Variants in FGGY observed in about 807,000 individuals in gnomAD.
The protein encoded by FGGY is FGGY carbohydrate kinase domain containing.
Under a neutral mutation model 71.3 loss-of-function variants are expected in FGGY, and 72 were observed. That is an observed-to-expected ratio of 1.01 (90% confidence interval 0.84 to 1.23). The LOEUF (loss-of-function observed/expected upper bound fraction) is 1.23. Ranked by LOEUF, FGGY falls within the 50% of genes most tolerant of loss-of-function variation. FGGY has a pLI of 0.00. For missense variants in FGGY, 668 were observed against 682.3 expected, an observed-to-expected ratio of 0.98 and a Z score of 0.23; for synonymous variants, 251 against 250.3, an observed-to-expected ratio of 1.00 and a Z score of -0.02.
intron 5 of FGGY, among the ~76,000 whole-genome samples, chr1:59,395,367 G>C (rs1159357464): frequency 6.6e-6 from 1 of 152,018 alleles, no homozygotes; most frequent in South Asian, 2.1e-4. Flanking sequence ...TAATTTAAAA[G>C]GTGTTTTTAA....
At chr1:59,324,122 C>T (rs565698968) in intron 2 of FGGY, among the ~76,000 whole-genome samples, 9 of 152,116 alleles carry the variant, frequency 5.9e-5, no homozygotes, top group Non-Finnish European at 8.8e-5. Flanking sequence ...CCTGAGATGA[C>T]TTTCCTCTTA....
chr1:59,575,773 G>A (rs367788269), intron 8 of FGGY, among the ~76,000 whole-genome samples: 3 of 152,058 alleles, frequency 2.0e-5, no homozygotes, highest in African/African-American at 7.3e-5. Context: ...TTTTTAAAAT[G>A]TGCATGTATT....
At chr1:59,474,528 G>GT (rs558804144) in intron 6 of FGGY, among the ~76,000 whole-genome samples, 40 of 152,150 alleles carry the variant, frequency 2.6e-4, no homozygotes, top group Admixed American at 1.9e-3. Flanking sequence ...TCCTGTTTGA[G>GT]TTTTTTGGCA....
In FGGY at chr1:59,457,096, G is replaced by A. The variant is rs777038041; in HGVS notation, c.670+20G>A. ...AAATAGGTAAAAGAATAAAACATCT[G>A]TAGAGTGATTATGTGCATTGGAGGA... On this transcript the variant is annotated intron_variant, in intron 6 of 15. Coordinates refer to ENST00000303721, the MANE Select transcript of FGGY (RefSeq NM_018291.5). 1.3e-5 allele frequency: 20 copies of A among 1,534,568 alleles called. No homozygotes were observed. Among genetic ancestry groups the A allele is most frequent in the South Asian group, 2.2e-5 (2 of 89,260 alleles).
chr1:59,585,886 T>C (rs965227815), intron 8 of FGGY, among the ~76,000 whole-genome samples: 1 of 152,190 alleles, frequency 6.6e-6, no homozygotes, highest in African/African-American at 2.4e-5. Context: ...AAGAAGACAT[T>C]TATGCAGCCA....
chr1:59,609,797 G>A (rs1301630584), intron 9 of FGGY, among the ~76,000 whole-genome samples: 1 of 152,184 alleles, frequency 6.6e-6, no homozygotes, highest in Non-Finnish European at 1.5e-5. Flanking sequence ...GGAAGCATAG[G>A]TGGGTAGATG....
chr1:59,593,258 A>T (rs540868069), intron 8 of FGGY, among the ~76,000 whole-genome samples: 4 of 152,264 alleles, frequency 2.6e-5, no homozygotes, highest in Non-Finnish European at 4.4e-5. Context: ...GAGGGTCCTC[A>T]GTGTGTTTGT....
intron 7 of FGGY, among the ~76,000 whole-genome samples, chr1:59,539,233 C>T (rs1038874844): frequency 5.3e-5 from 8 of 152,142 alleles, no homozygotes; most frequent in African/African-American, 1.7e-4. Flanking sequence ...TTCAGTTCAG[C>T]ATTCTAGCAG....
intron 14 of FGGY, among the ~76,000 whole-genome samples, chr1:59,684,747 A>T (rs144802617): frequency 6.6e-5 from 10 of 152,148 alleles, no homozygotes; most frequent in African/African-American, 2.4e-4. Context: ...ACCTTGCTGA[A>T]CCTCACGGTG....
intron 14 of FGGY, among the ~76,000 whole-genome samples, chr1:59,725,911 T>C (rs916481985): frequency 6.6e-6 from 1 of 152,154 alleles, no homozygotes; most frequent in African/African-American, 2.4e-5. Flanking sequence ...CCTTCTCATT[T>C]CTTTGTCTTT....
intron 15 of FGGY, among the ~76,000 whole-genome samples, chr1:59,759,022 G>A (rs1260744072): frequency 6.6e-6 from 1 of 152,166 alleles, no homozygotes; most frequent in Non-Finnish European, 1.5e-5. Context: ...GCTTTTTCAA[G>A]AATCCAGGCT....
At chr1:59,575,761 T>C (rs1462767966) in intron 8 of FGGY, among the ~76,000 whole-genome samples, 1 of 152,200 alleles carries the variant, frequency 6.6e-6, no homozygotes, top group Non-Finnish European at 1.5e-5. Flanking sequence ...AACTTTCTTA[T>C]TTTTTTAAAA....
intron 9 of FGGY, among the ~76,000 whole-genome samples, chr1:59,613,460 A>G (rs1264687138): frequency 6.6e-6 from 1 of 152,206 alleles, no homozygotes; most frequent in African/African-American, 2.4e-5. Context: ...GAGAACAAAG[A>G]CACAACATAC....
intron 14 of FGGY, chr1:59,698,944 A>T (rs1394434327): frequency 1.0e-6 from 1 of 985,272 alleles, no homozygotes; most frequent in Admixed American, 6.2e-5. Flanking sequence ...GTATTATTTA[A>T]TACATCCCCA....
intron 4 of FGGY, among the ~76,000 whole-genome samples, chr1:59,370,701 G>A (rs909147216): frequency 4.4e-4 from 66 of 151,688 alleles, no homozygotes; most frequent in African/African-American, 1.3e-3. Flanking sequence ...GACTAACAGC[G>A]GATCTCTTGG....
chr1:59,557,653 G>A (rs774877902), intron 8 of FGGY, among the ~76,000 whole-genome samples: 4 of 152,218 alleles, frequency 2.6e-5, no homozygotes, highest in Non-Finnish European at 4.4e-5. Flanking sequence ...AAGCAGAGCT[G>A]CTTGTTCAGA....
At chr1:59,741,541 A>G (rs1008483695) in intron 14 of FGGY, among the ~76,000 whole-genome samples, 2 of 152,194 alleles carry the variant, frequency 1.3e-5, no homozygotes, top group Non-Finnish European at 2.9e-5. Flanking sequence ...AGTCTCAGGT[A>G]TTTCTTTATA....
chr1:59,510,040 C>CTTTTTTT (rs10608143), intron 6 of FGGY, among the ~76,000 whole-genome samples: 4 of 139,930 alleles, frequency 2.9e-5, no homozygotes, highest in Non-Finnish European at 1.6e-5. Context: ...TTTCTTTTTT[C>CTTTTTTT]TTTTTTTTTT....
At chr1:59,628,086 A>G (rs1226026524) in intron 10 of FGGY, among the ~76,000 whole-genome samples, 1 of 152,230 alleles carries the variant, frequency 6.6e-6, no homozygotes, top group Non-Finnish European at 1.5e-5. Context: ...GGGAAGCAGG[A>G]TATTTTCATA....
Sources: allele counts gnomAD v4.1 joint callset (sites outside exome capture counted in the v4.1 genomes callset), GRCh38; gene constraint gnomAD v4.1.1; transcripts MANE v1.5; gene names NCBI Gene and HGNC (gene_info 2026-07-23, HGNC 2026-07-21).